ZFPM2: variants seen among roughly 807,000 people sequenced by gnomAD.
The protein encoded by ZFPM2 is zinc finger protein ZFPM2.
In ZFPM2, 20 loss-of-function variants were observed where a neutral mutation model predicts 98.6. The ratio of observed to expected loss-of-function variants is 0.20; its 90% CI spans 0.14 to 0.29. The LOEUF is 0.29. Among genes scored for constraint, ZFPM2 ranks in the 10% least tolerant of loss-of-function variants. ZFPM2 has a pLI of 1.00. For synonymous variants in ZFPM2, 518 were observed against 502.7 expected (o/e 1.03, Z -0.41); for missense variants, 1,310 against 1,388.6 (o/e 0.94, Z 0.90).
chr8:105,762,306 T>C (rs979645281), intron 5 of ZFPM2, among the ~76,000 whole-genome samples: 1 of 152,004 alleles, frequency 6.6e-6, no homozygotes, highest in Non-Finnish European at 1.5e-5. Context: ...GTAACATTTT[T>C]AATATTCTGA....
rs1402866331 is a variant in ZFPM2, at chr8:105,654,325, C to T, written c.532+19968C>T. Among the ~76,000 whole-genome samples, 7 of 152,230 alleles carry T rather than the reference C, an allele frequency of 4.6e-5. No individual in the cohort carries two copies. In the South Asian group the frequency reaches 6.2e-4, roughly 14 times the overall value. On this transcript the variant is annotated intron_variant, in intron 5 of 7. Coordinates refer to ENST00000407775, the MANE Select transcript of ZFPM2 (RefSeq NM_012082.4). ...GCTCTCTGTCCTGTCAAAAGGCTTT[C>T]GCCTTATCTTGAGAGACTGTCAGGG...
intron 3 of ZFPM2, among the ~76,000 whole-genome samples, chr8:105,560,188 G>GAAGGA (rs1554617394): frequency 2.1e-5 from 3 of 142,850 alleles, no homozygotes; most frequent in East Asian, 4.1e-4. Context: ...AAAAAAAAAA[G>GAAGGA]AAAGAAAATA....
intron 4 of ZFPM2, among the ~76,000 whole-genome samples, chr8:105,630,977 C>T (rs1816745347): frequency 6.6e-6 from 1 of 152,106 alleles, no homozygotes; most frequent in South Asian, 2.1e-4. Context: ...TGGTTGTTCA[C>T]CCTAGGGGTG....
At chr8:105,631,043 C>A (rs1020365476) in intron 4 of ZFPM2, among the ~76,000 whole-genome samples, 1 of 152,098 alleles carries the variant, frequency 6.6e-6, no homozygotes, top group Non-Finnish European at 1.5e-5. Flanking sequence ...TGCCACCTAC[C>A]AGCATTTGAC....
intron 5 of ZFPM2, among the ~76,000 whole-genome samples, chr8:105,761,664 C>T (rs1321709870): frequency 6.6e-6 from 1 of 151,822 alleles, no homozygotes; most frequent in East Asian, 1.9e-4. Context: ...GGGCTTGTCT[C>T]AAGATATTTC....
intron 1 of ZFPM2, among the ~76,000 whole-genome samples, chr8:105,369,821 A>T (rs1455322032): frequency 6.6e-6 from 1 of 152,060 alleles, no homozygotes; most frequent in East Asian, 1.9e-4. Context: ...TTGTGTGCTT[A>T]TGGGTGCAGT....
intron 5 of ZFPM2, among the ~76,000 whole-genome samples, chr8:105,747,766 T>A (rs1432395308): frequency 3.9e-5 from 6 of 152,078 alleles, no homozygotes; most frequent in Non-Finnish European, 7.4e-5. Flanking sequence ...GTGGAAACAC[T>A]GGTGAAAAGG....
chr8:105,331,188 C>CACACACAT lies in ZFPM2; in HGVS notation c.40+12208_40+12209insCACACATA, dbSNP rs762437290. Among the ~76,000 whole-genome samples the CACACACAT allele has an allele frequency of 4.7e-5, 7 of 149,460 alleles. No homozygotes were observed. The South Asian group carries it at 1.1e-3, about 23-fold the overall frequency. On this transcript the variant is annotated intron_variant, in intron 1 of 7. Transcript: ENST00000407775. Reference sequence around the variant, plus strand: ...TATTATACACACACACACACACACACATATATATACACCCAGTTATATAAT... The same window carrying CACACACAT: ...TATTATACACACACACACACACACACACACACATATATATATACACCCAGTTATATAAT...
chr8:105,424,872 G>C (rs1165303696), intron 2 of ZFPM2, among the ~76,000 whole-genome samples: 1 of 152,146 alleles, frequency 6.6e-6, no homozygotes, highest in Admixed American at 6.5e-5. Flanking sequence ...ATAAACAATT[G>C]AATCACATTT....
chr8:105,710,457 G>C (rs1329909641), intron 5 of ZFPM2, among the ~76,000 whole-genome samples: 6 of 152,058 alleles, frequency 3.9e-5, no homozygotes, highest in Non-Finnish European at 8.8e-5. Context: ...TAATTTGTAA[G>C]CAGATGGTGA....
intron 3 of ZFPM2, among the ~76,000 whole-genome samples, chr8:105,487,293 AT>A (rs1187187578): frequency 6.6e-6 from 1 of 151,900 alleles, no homozygotes; most frequent in Non-Finnish European, 1.5e-5. Context: ...GCTTTTAAAC[AT>A]TTTTTGAAGA....
intron 6 of ZFPM2, among the ~76,000 whole-genome samples, chr8:105,792,598 G>T (rs992221764): frequency 1.3e-5 from 2 of 152,110 alleles, no homozygotes; most frequent in Non-Finnish European, 2.9e-5. Flanking sequence ...ATGTCTATTA[G>T]GTCTGCTTGG....
At chr8:105,658,986 C>G (rs1336816693) in intron 5 of ZFPM2, among the ~76,000 whole-genome samples, 1 of 152,082 alleles carries the variant, frequency 6.6e-6, no homozygotes, top group Non-Finnish European at 1.5e-5. Flanking sequence ...TAATGGGTAA[C>G]AGTAACCAGG....
intron 5 of ZFPM2, among the ~76,000 whole-genome samples, chr8:105,653,163 A>C (rs1339550061): frequency 1.2e-4 from 19 of 152,204 alleles, no homozygotes; most frequent in Admixed American, 1.2e-3. Context: ...GAAAGTGAAC[A>C]CATTACATTT....
intron 5 of ZFPM2, among the ~76,000 whole-genome samples, chr8:105,686,462 A>G (rs1205190303): frequency 1.3e-5 from 2 of 152,106 alleles, no homozygotes; most frequent in Non-Finnish European, 2.9e-5. Flanking sequence ...TCTGGCCAGC[A>G]GTTTAAGTTC....
chr8:105,802,733 G>A lies in ZFPM2; in HGVS notation c.2651G>A (p.Arg884His), dbSNP rs747995106. 71 of 1,613,042 alleles carry A rather than the reference G, an allele frequency of 4.4e-5. No homozygotes were observed. Among genetic ancestry groups the A allele is most frequent in the South Asian group, 1.7e-4 (15 of 90,908 alleles). ...TTCTGCCCGGTTACTGCACATCAGC[G>A]TAATGACCTGGGTCAACTGGACGGC... The part of the protein sequence containing the change: ...QNFCPVTAHQ[R>H]NDLGQLDGKV... Residue 884 changes from arginine (R) to histidine (H), a missense_variant, in exon 8 of 8, where the codon CGT becomes CAT. Physicochemically the swap from Arg to His is conservative, Grantham distance 29 (BLOSUM62 0). Transcript: ENST00000407775.
chr8:105,701,128 T>A (rs944617778), intron 5 of ZFPM2, among the ~76,000 whole-genome samples: 3 of 152,220 alleles, frequency 2.0e-5, no homozygotes, highest in African/African-American at 7.2e-5. Flanking sequence ...TTGTTTTTCC[T>A]TGTTTTATCT....
intron 5 of ZFPM2, among the ~76,000 whole-genome samples, chr8:105,692,230 G>C (rs2130940006): frequency 6.6e-6 from 1 of 152,286 alleles, no homozygotes; most frequent in East Asian, 1.9e-4. Flanking sequence ...GGTCTCAAAA[G>C]TTGGGTGCAT....
At chr8:105,623,174 C>T (rs1472422151) in intron 4 of ZFPM2, among the ~76,000 whole-genome samples, 1 of 152,026 alleles carries the variant, frequency 6.6e-6, no homozygotes, top group African/African-American at 2.4e-5. Context: ...ATTTTTTTTG[C>T]ACCTGACTTT....
Sources: allele counts gnomAD v4.1 joint callset (sites outside exome capture counted in the v4.1 genomes callset), GRCh38; gene constraint gnomAD v4.1.1; transcripts MANE v1.5; gene names NCBI Gene and HGNC (gene_info 2026-07-23, HGNC 2026-07-21).